FYN: variants seen among roughly 807,000 people sequenced by gnomAD.
FYN encodes the protein tyrosine-protein kinase Fyn.
FYN carries 10 observed loss-of-function variants against 70.2 expected under a neutral mutation model. That is an observed-to-expected ratio of 0.14 (90% CI 0.09 to 0.24). FYN has a LOEUF of 0.24. FYN is among the 10% of genes least tolerant of loss of function. FYN has a pLI of 1.00. For missense variants in FYN, 319 were observed against 673.1 expected (o/e 0.47, Z 5.82); for synonymous variants, 236 against 248.6 (o/e 0.95, Z 0.48).
chr6:111,850,134 T>C (rs1241508977), intron 1 of FYN, among the ~76,000 whole-genome samples: 3 of 152,214 alleles, frequency 2.0e-5, no homozygotes, highest in African/African-American at 7.2e-5. Flanking sequence ...AGAGATTCAA[T>C]ACATTAGGGT....
intron 12 of FYN, among the ~76,000 whole-genome samples, chr6:111,685,024 AAAC>A: frequency 6.6e-6 from 1 of 152,232 alleles, no homozygotes. Flanking sequence ...AGAGAAAACA[AAAC>A]AAAACAAAAC....
chr6:111,734,998 G>A (rs974278827), intron 3 of FYN, among the ~76,000 whole-genome samples: 1 of 152,184 alleles, frequency 6.6e-6, no homozygotes, highest in South Asian at 2.1e-4. Flanking sequence ...GGGACACAGA[G>A]GGAGTTCTAA....
intron 12 of FYN, among the ~76,000 whole-genome samples, chr6:111,680,830 A>G (rs1056468147): frequency 2.0e-5 from 3 of 152,132 alleles, no homozygotes; most frequent in Non-Finnish European, 4.4e-5. Flanking sequence ...GCAAAGCTCA[A>G]ACATTTCTAT....
intron 5 of FYN, 111 bp downstream of exon 5, chr6:111,714,236 T>C (rs760796654): frequency 2.9e-6 from 2 of 701,118 alleles, no homozygotes; most frequent in Non-Finnish European, 5.0e-6. Flanking sequence ...CCAGTGAATT[T>C]AGCAAATGTT....
intron 13 of FYN, among the ~76,000 whole-genome samples, chr6:111,673,619 A>ATTATTTTTTTTTT (rs1184612877): frequency 1.5e-5 from 1 of 65,010 alleles, no homozygotes; most frequent in Non-Finnish European, 3.2e-5. Flanking sequence ...CGTTTCTATC[A>ATTATTTTTTTTTT]TTGTTTTTTT....
In FYN at chr6:111,714,251, T is replaced by C. The variant is rs1800517390; in HGVS notation, c.344+96A>G. ...CCAGTGAATTTAGCAAATGTTCTTT[T>C]AGCATTTCAGACATCTGAAGAGATG... is the stretch of plus-strand genomic sequence containing the variant. On this transcript the variant is annotated intron_variant, in intron 5 of 13. Coordinates refer to ENST00000354650, the MANE Select transcript of FYN (RefSeq NM_002037.5). The C allele has an allele frequency of 6.5e-6, 5 of 764,680 alleles. No individual in the cohort carries two copies. In the East Asian group the frequency reaches 1.0e-4, roughly 16 times the overall value. 47.4% of individuals were successfully genotyped at this position (764,680 alleles called of 1,614,324 possible). A position where few individuals can be genotyped will look rare whatever the true frequency, so the allele number is the denominator to read the frequency against.
At chr6:111,848,700 G>A (rs1051565907) in intron 1 of FYN, among the ~76,000 whole-genome samples, 2 of 152,186 alleles carry the variant, frequency 1.3e-5, no homozygotes, top group Non-Finnish European at 2.9e-5. Context: ...TGATAAGGAT[G>A]GACGCAAAAT....
At chr6:111,806,395 C>T (rs947791288) in intron 2 of FYN, among the ~76,000 whole-genome samples, 5 of 152,176 alleles carry the variant, frequency 3.3e-5, no homozygotes, top group Non-Finnish European at 7.4e-5. Flanking sequence ...GAGGACACCC[C>T]TTCGGCCCAG....
chr6:111,816,959 G>A (rs1257496393), intron 2 of FYN, among the ~76,000 whole-genome samples: 4 of 152,130 alleles, frequency 2.6e-5, no homozygotes, highest in African/African-American at 9.7e-5. Context: ...TACATAGTAA[G>A]ACTGAAAATA....
At chr6:111,702,429 T>C (rs1165877643) in intron 8 of FYN, 2 of 153,160 alleles carry the variant, frequency 1.3e-5, no homozygotes, top group African/African-American at 4.8e-5. Flanking sequence ...GTGGGGAACA[T>C]GATAAATGGC....
chr6:111,665,276 G>A (rs1583278408), intron 13 of FYN, among the ~76,000 whole-genome samples: 1 of 152,180 alleles, frequency 6.6e-6, no homozygotes, highest in African/African-American at 2.4e-5. Flanking sequence ...TTTTGGATTA[G>A]GGATACTTAA....
At chr6:111,809,178 C>A (rs1473520189) in intron 2 of FYN, among the ~76,000 whole-genome samples, 1 of 152,180 alleles carries the variant, frequency 6.6e-6, no homozygotes, top group African/African-American at 2.4e-5. Flanking sequence ...GTTTTACCTC[C>A]ATCTTGGCAA....
chr6:111,836,464 A>G (rs990886855), intron 2 of FYN, among the ~76,000 whole-genome samples: 1 of 152,156 alleles, frequency 6.6e-6, no homozygotes, highest in African/African-American at 2.4e-5. Context: ...CAACAACAAC[A>G]ACAACAAAAC....
At chr6:111,806,516 GA>G (rs1772155130) in intron 2 of FYN, among the ~76,000 whole-genome samples, 1 of 152,150 alleles carries the variant, frequency 6.6e-6, no homozygotes, top group South Asian at 2.1e-4. Context: ...CCACCAAAAG[GA>G]AAAGGCTTGA....
intron 2 of FYN, among the ~76,000 whole-genome samples, chr6:111,815,510 C>T (rs1371643584): frequency 6.6e-6 from 1 of 152,124 alleles, no homozygotes; most frequent in Non-Finnish European, 1.5e-5. Context: ...TAGGTAACTA[C>T]TCCCTCTCTT....
At position 111,723,435 on chromosome 6, in the gene FYN, C is replaced by T. The variant is rs189349977; in HGVS notation, c.-11-3373G>A. Among the ~76,000 whole-genome samples the T allele has an allele frequency of 2.0e-5, 3 of 152,292 alleles. No homozygotes were observed. The East Asian group carries it at 5.8e-4, about 29-fold the overall frequency. ...TCCTCTTTTATAGAAGAGACAGCAC[C>T]ATCACCACTTCACGCATTTGACATT... On this transcript the variant is annotated intron_variant, in intron 3 of 13. Transcript: ENST00000354650.
intron 3 of FYN, among the ~76,000 whole-genome samples, chr6:111,771,950 C>T (rs1803469394): frequency 6.6e-6 from 1 of 151,704 alleles, no homozygotes; most frequent in Non-Finnish European, 1.5e-5. Flanking sequence ...GGATGGGGGG[C>T]ATGGCCAGAA....
intron 13 of FYN, among the ~76,000 whole-genome samples, chr6:111,667,374 T>G (rs1309629526): frequency 6.6e-6 from 1 of 152,104 alleles, no homozygotes; most frequent in Non-Finnish European, 1.5e-5. Context: ...CCCAAGCAGC[T>G]AGGACTATAG....
At chr6:111,739,063 T>C (rs1229795141) in intron 3 of FYN, among the ~76,000 whole-genome samples, 3 of 152,162 alleles carry the variant, frequency 2.0e-5, no homozygotes, top group Admixed American at 6.5e-5. Flanking sequence ...ACTCTGTCCA[T>C]TGCCATCACT....
Sources: allele counts gnomAD v4.1 joint callset (sites outside exome capture counted in the v4.1 genomes callset), GRCh38; gene constraint gnomAD v4.1.1; transcripts MANE v1.5; gene names NCBI Gene and HGNC (gene_info 2026-07-23, HGNC 2026-07-21).